PPM1D: variants seen among roughly 807,000 people sequenced by gnomAD.
The protein encoded by PPM1D is protein phosphatase 1D.
In PPM1D, 52 loss-of-function variants were observed where a neutral mutation model predicts 58.3. That is an observed-to-expected ratio of 0.89 (90% CI 0.71 to 1.12). The LOEUF is 1.12. Among genes scored for constraint, PPM1D ranks in the 50% most tolerant of loss-of-function variants. The pLI is 0.00. For synonymous variants in PPM1D, 278 were observed against 285.1 expected, an observed-to-expected ratio of 0.98 and a Z score of 0.25; for missense variants, 564 against 777.2, an observed-to-expected ratio of 0.73 and a Z score of 3.26.
chr17:60,644,921 C>T (rs1028317892), intron 3 of PPM1D, among the ~76,000 whole-genome samples: 9 of 152,062 alleles, frequency 5.9e-5, no homozygotes, highest in East Asian at 5.8e-4. Flanking sequence ...GATTTATATG[C>T]GTGAAACTAC....
Position 60,656,785 on chromosome 17 carries a change from A to T in PPM1D, c.1204A>T (p.Asn402Tyr). The T allele has an allele frequency of 6.2e-7, 1 of 1,614,192 alleles. No homozygotes were observed. The highest frequency in any genetic ancestry group is 8.5e-7 in the Non-Finnish European group (1 of 1,180,032). ...GAACCTGACTGACAGCCCTTCCTAT[A>T]ATAGTCAAGAAACCTGTGTGATGAC... ...YLNLTDSPSY[N>Y]SQETCVMTPS... Residue 402 changes from asparagine (N) to tyrosine (Y), a missense_variant, in exon 5 of 6, where the codon AAT becomes TAT. Asn to Tyr is a moderately radical substitution (Grantham distance 143). Coordinates refer to ENST00000305921, the MANE Select transcript of PPM1D (RefSeq NM_003620.4).
In PPM1D at chr17:60,666,173, C is replaced by A. The variant is rs2031613517; in HGVS notation, c.*2621C>A. ...TGCAATAGTTATGTTTTGGTAATAG[C>A]ATTAATGAACAATGTTATTTTCATC... is the stretch of plus-strand genomic sequence containing the variant. On this transcript the variant is annotated 3_prime_UTR_variant, in exon 6 of 6. Transcript: ENST00000305921. 6.6e-6 allele frequency: 1 copy of A among 152,072 alleles called. No homozygotes were observed. Among genetic ancestry groups the A allele is most frequent in the South Asian group, 2.1e-4 (1 of 4,830 alleles). 9.4% of individuals were successfully genotyped at this position (152,072 alleles called of 1,614,324 possible).
chr17:60,610,053 A>C (rs1762165774), intron 1 of PPM1D, among the ~76,000 whole-genome samples: 1 of 151,854 alleles, frequency 6.6e-6, no homozygotes, highest in Non-Finnish European at 1.5e-5. Context: ...GGTGGTGCGC[A>C]CCTGTAGTCG....
chr17:60,621,868 C>T (rs1367679228), intron 1 of PPM1D, among the ~76,000 whole-genome samples: 1 of 142,378 alleles, frequency 7.0e-6, no homozygotes, highest in Non-Finnish European at 1.5e-5. Context: ...CCACTCCCAG[C>T]GTGTTAAGAG....
chr17:60,642,108 C>T (rs1428993305), intron 3 of PPM1D, among the ~76,000 whole-genome samples: 1 of 152,094 alleles, frequency 6.6e-6, no homozygotes, highest in Non-Finnish European at 1.5e-5. Context: ...TGATCCTTAC[C>T]AGTTATTTGA....
chr17:60,624,937 C>T (rs936838983), intron 2 of PPM1D, among the ~76,000 whole-genome samples: 3 of 152,016 alleles, frequency 2.0e-5, no homozygotes, highest in Admixed American at 6.6e-5. Context: ...CTCAGGAGTT[C>T]GAGACCAGCT....
intron 1 of PPM1D, among the ~76,000 whole-genome samples, chr17:60,612,064 A>C (rs1351611637): frequency 2.0e-5 from 3 of 152,042 alleles, no homozygotes; most frequent in Non-Finnish European, 4.4e-5. Context: ...ACAGATTTAT[A>C]GAGGTATAAT....
chr17:60,663,796 CTG>C lies in PPM1D; in HGVS notation c.*245_*246del, dbSNP rs1446601837. On this transcript the variant is annotated 3_prime_UTR_variant, in exon 6 of 6. Transcript: ENST00000305921. ...ATTTGTATCCACACAAATTCAGTCT[CTG>C]AATACACAGTATTCAGAGTCTCTGA... The C allele has an allele frequency of 2.2e-6, 1 of 462,418 alleles. No homozygotes were observed. Among genetic ancestry groups the C allele is most frequent in the African/African-American group, 1.9e-5 (1 of 51,336 alleles). The allele number at this position is 462,418 out of a possible 1,614,324, so 28.6% of individuals were successfully genotyped here. A position where few individuals can be genotyped will look rare whatever the true frequency, so the allele number is the denominator to read the frequency against.
At chr17:60,603,158 T>C (rs1391751396) in intron 1 of PPM1D, among the ~76,000 whole-genome samples, 1 of 152,164 alleles carries the variant, frequency 6.6e-6, no homozygotes, top group Non-Finnish European at 1.5e-5. Context: ...CTACTTTCTT[T>C]TGGAATTGAG....
At position 60,647,965 on chromosome 17, in the gene PPM1D, T is replaced by C; in HGVS notation, c.900T>C (p.Thr300=). The C allele has an allele frequency of 4.3e-6, 7 of 1,613,738 alleles. No homozygotes were observed. Among genetic ancestry groups the C allele is most frequent in the Non-Finnish European group, 5.9e-6 (7 of 1,179,646 alleles). The change falls in exon 4 of 6, where the codon ACT becomes ACC. Residue 300 remains threonine (T), a synonymous_variant. Coordinates refer to ENST00000305921, the MANE Select transcript of PPM1D (RefSeq NM_003620.4). ...CTGAACCAGACACAAGTGTCCACAC[T>C]CTTGACCCTCAGAAGCACAAGTATA... ...VSPEPDTSVH[T]LDPQKHKYII... is the part of the protein sequence containing the mutation.
chr17:60,648,125 G>A, intron 4 of PPM1D, 43 bp downstream of exon 4: 1 of 1,558,180 alleles, frequency 6.4e-7, no homozygotes, highest in Non-Finnish European at 8.7e-7. Context: ...TCTAAACATT[G>A]TTTTGGTACT....
At chr17:60,626,788 C>G (rs2030819307) in intron 2 of PPM1D, among the ~76,000 whole-genome samples, 1 of 152,186 alleles carries the variant, frequency 6.6e-6, no homozygotes, top group African/African-American at 2.4e-5. Context: ...AAGCGATCCT[C>G]CCACCTTGTC....
chr17:60,635,080 A>G (rs1471878638), intron 3 of PPM1D, among the ~76,000 whole-genome samples: 1 of 151,866 alleles, frequency 6.6e-6, no homozygotes, highest in African/African-American at 2.4e-5. Flanking sequence ...CACAACTACT[A>G]TATATATTAA....
At chr17:60,635,249 C>CTTGT (rs966554041) in intron 3 of PPM1D, among the ~76,000 whole-genome samples, 13 of 150,596 alleles carry the variant, frequency 8.6e-5, no homozygotes, top group African/African-American at 2.9e-4. Context: ...GAGTTTTACT[C>CTTGT]TTGTTCCCCA....
chr17:60,651,526 T>C (rs2031342226), intron 4 of PPM1D, among the ~76,000 whole-genome samples: 1 of 151,626 alleles, frequency 6.6e-6, no homozygotes, highest in Admixed American at 6.6e-5. Context: ...GCCTCCCGAG[T>C]AGCTGGGACT....
Position 60,613,747 on chromosome 17 carries a change from T to A in PPM1D, c.473-9774T>A, listed in dbSNP as rs565023010. Among the ~76,000 whole-genome samples the A allele has an allele frequency of 2.0e-5, 3 of 152,322 alleles. No individual in the cohort carries two copies. In the East Asian group the frequency reaches 5.8e-4, roughly 29 times the overall value. ...CTGCTGGCCGCAGGCAGTGAGGGGCTTAGCACCCGGGCCACTAGCTGCAGA... is the reference window on the plus strand; with the variant it reads ...CTGCTGGCCGCAGGCAGTGAGGGGCATAGCACCCGGGCCACTAGCTGCAGA... On this transcript the variant is annotated intron_variant, in intron 1 of 5. Transcript: ENST00000305921.
At chr17:60,643,457 A>G (rs1459574205) in intron 3 of PPM1D, among the ~76,000 whole-genome samples, 1 of 152,184 alleles carries the variant, frequency 6.6e-6, no homozygotes, top group Non-Finnish European at 1.5e-5. Context: ...CTGTCAGCTA[A>G]TAAATGTAGT....
intron 1 of PPM1D, among the ~76,000 whole-genome samples, chr17:60,620,627 G>A (rs2030680957): frequency 6.6e-6 from 1 of 151,090 alleles, no homozygotes; most frequent in African/African-American, 2.4e-5. Context: ...CCTGAGGTTA[G>A]GATCCCTCCT....
At chr17:60,620,745 T>C (rs1002357370) in intron 1 of PPM1D, among the ~76,000 whole-genome samples, 8 of 152,000 alleles carry the variant, frequency 5.3e-5, no homozygotes, top group Non-Finnish European at 1.0e-4. Context: ...CCTGACCTCA[T>C]GGTCCACCCA....
Sources: allele counts gnomAD v4.1 joint callset (sites outside exome capture counted in the v4.1 genomes callset), GRCh38; gene constraint gnomAD v4.1.1; transcripts MANE v1.5; gene names NCBI Gene and HGNC (gene_info 2026-07-23, HGNC 2026-07-21).